The following CELF2 variants were observed in gnomAD, a reference collection of about 807,000 sequenced individuals.
CELF2 encodes CUGBP Elav-like family member 2.
CELF2 carries 8 observed loss-of-function variants against 62.6 expected under a neutral mutation model. The ratio of observed to expected loss-of-function variants is 0.13; its 90% confidence interval spans 0.07 to 0.23. CELF2 has a LOEUF of 0.23. Among genes scored for constraint, CELF2 ranks in the 10% least tolerant of loss-of-function variants. The probability of loss-of-function intolerance (pLI) is 1.00; values close to 1 mark genes in which losing one functional copy is unlikely to be tolerated. For synonymous variants in CELF2, 258 were observed against 250.0 expected, an observed-to-expected ratio of 1.03 and a Z score of -0.30; for missense variants, 333 against 671.0, an observed-to-expected ratio of 0.50 and a Z score of 5.56.
chr10:11,253,437 A>G (rs1328403692), intron 4 of CELF2, among the ~76,000 whole-genome samples: 2 of 152,212 alleles, frequency 1.3e-5, no homozygotes, highest in African/African-American at 4.8e-5. Context: ...AATAGGAATC[A>G]TGGGGTGGCT....
At chr10:10,497,575 T>C in the CELF2 span, among the ~76,000 whole-genome samples, 1 of 149,032 alleles carries the variant, frequency 6.7e-6, no homozygotes, top group African/African-American at 2.5e-5. Flanking sequence ...AGATGAAGGG[T>C]TGGGGATGAG....
In CELF2 at chr10:10,799,347, G is replaced by T. The variant is rs1010315525; in HGVS notation, c.53+530G>T. On this transcript the variant is annotated intron_variant, in intron 1 of 13. Coordinates refer to the CELF2 transcript ENST00000636488. Reference sequence around the variant, plus strand: ...AAAAATACAGAAATTAGCCAGGTGTGGTGGTGGGTGCCTGTAGTCCCTGCT... The same window carrying T: ...AAAAATACAGAAATTAGCCAGGTGTTGTGGTGGGTGCCTGTAGTCCCTGCT... Among the ~76,000 whole-genome samples the T allele has an allele frequency of 2.6e-5, 4 of 152,024 alleles. No individual in the cohort carries two copies. The East Asian group carries it at 7.7e-4, about 29-fold the overall frequency.
In CELF2 at chr10:11,033,145, A is replaced by G. The variant is rs77813824; in HGVS notation, c.74+14982A>G. Among the ~76,000 whole-genome samples the G allele has an allele frequency of 3.0e-4, 45 of 152,342 alleles. 1 individual carries two copies. The East Asian group carries it at 8.3e-3, about 28-fold the overall frequency. On this transcript the variant is annotated intron_variant, in intron 1 of 12. Coordinates refer to ENST00000633077, the MANE Select transcript of CELF2 (RefSeq NM_001326342.2). The stretch of plus-strand genomic sequence containing the variant: ...CTCTACAGTGAAAATTCTGAGGCAT[A>G]GACATTCCTCATCAAATATCACTGT...
At chr10:10,537,734 G>A in the CELF2 span, among the ~76,000 whole-genome samples, 2 of 152,074 alleles carry the variant, frequency 1.3e-5, no homozygotes, top group African/African-American at 4.8e-5. Flanking sequence ...TCTCACATGA[G>A]TCTAGATAAC....
At chr10:10,870,185 A>G (rs1185392789) in intron 1 of CELF2, among the ~76,000 whole-genome samples, 1 of 152,178 alleles carries the variant, frequency 6.6e-6, no homozygotes, top group Non-Finnish European at 1.5e-5. Flanking sequence ...AATTTTTATT[A>G]AAGATTATTT....
chr10:10,768,479 C>A, the CELF2 span, among the ~76,000 whole-genome samples: 2 of 152,072 alleles, frequency 1.3e-5, no homozygotes, highest in South Asian at 4.1e-4. Context: ...GAGCTAAGGT[C>A]AAGAAGATCT....
intron 1 of CELF2, among the ~76,000 whole-genome samples, chr10:11,036,118 C>G (rs531538563): frequency 1.3e-5 from 2 of 152,296 alleles, no homozygotes; most frequent in African/African-American, 4.8e-5. Context: ...TAAGCATCAG[C>G]CAGGATTCAG....
At chr10:10,988,403 G>A (rs1203896070) in intron 2 of CELF2, among the ~76,000 whole-genome samples, 1 of 151,994 alleles carries the variant, frequency 6.6e-6, no homozygotes, top group Non-Finnish European at 1.5e-5. Context: ...TCTAAGTGAA[G>A]TAACTCAGGA....
At chr10:11,060,582 G>A (rs1196516589) in intron 1 of CELF2, among the ~76,000 whole-genome samples, 2 of 152,080 alleles carry the variant, frequency 1.3e-5, no homozygotes, top group African/African-American at 4.8e-5. Flanking sequence ...ATAGAATACA[G>A]GTGCACCTTG....
Position 11,005,821 on chromosome 10 carries a change from G to A in CELF2, c.53+381G>A, listed in dbSNP as rs1342188179. Reference sequence around the variant, plus strand: ...ATGCACTCTGCATGGAATAATCACCGAAAAAGGAGCTGAGGAGACTCCATA... The same window carrying A: ...ATGCACTCTGCATGGAATAATCACCAAAAAAGGAGCTGAGGAGACTCCATA... On this transcript the variant is annotated intron_variant, in intron 1 of 12. Coordinates refer to the CELF2 transcript ENST00000416382. The surrounding 1 kb of genome is among the most constrained non-coding windows in gnomAD (Gnocchi z 4.3). Among the ~76,000 whole-genome samples the A allele has an allele frequency of 2.0e-5, 3 of 152,106 alleles. No individual in the cohort carries two copies. The highest frequency in any genetic ancestry group is 2.9e-5 in the Non-Finnish European group (2 of 68,008).
rs2047840902 is a variant in CELF2 at position 10,947,624 on chromosome 10, C to A, written c.89+27625C>A. 1 of 152,562 alleles carries A rather than the reference C, an allele frequency of 6.6e-6. No homozygotes were observed. Among genetic ancestry groups the A allele is most frequent in the African/African-American group, 2.4e-5 (1 of 41,430 alleles). 9.5% of individuals were successfully genotyped at this position (152,562 alleles called of 1,614,324 possible). A position where few individuals can be genotyped will look rare whatever the true frequency, so the allele number is the denominator to read the frequency against. On this transcript the variant is annotated intron_variant, in intron 2 of 13. Coordinates refer to the CELF2 transcript ENST00000636488. The surrounding 1 kb of genome is among the most constrained non-coding windows in gnomAD (Gnocchi z 4.1). ...GGTGTCCTCAGTGCCTAGAACAATG[C>A]CTGGCTTTCAAGTTTACAGAATAAA...
At position 11,297,216 on chromosome 10, in the gene CELF2, T is replaced by C. The variant is rs2093283639; in HGVS notation, c.976+8664T>C. On this transcript the variant is annotated intron_variant, in intron 9 of 12. Transcript: ENST00000633077. This position sits in a 1 kb window ranked among gnomAD's most constrained non-coding sequence, Gnocchi z 4.4. ...ATATAAAATGATCGGACGTGGCACA[T>C]GGAGAGCTCAAGTGCACATGAACGG... Among the ~76,000 whole-genome samples the C allele has an allele frequency of 6.6e-6, 1 of 152,084 alleles. No individual in the cohort carries two copies. The highest frequency in any genetic ancestry group is 6.5e-5 in the Admixed American group (1 of 15,274).
the CELF2 span, among the ~76,000 whole-genome samples, chr10:10,506,080 A>AT: frequency 1.8e-4 from 27 of 149,932 alleles, no homozygotes; most frequent in Admixed American, 4.0e-4. Context: ...GTATTCTCTC[A>AT]TTTTTTTTTT....
At chr10:10,488,992 T>G in the CELF2 span, among the ~76,000 whole-genome samples, 1 of 152,090 alleles carries the variant, frequency 6.6e-6, no homozygotes, top group Non-Finnish European at 1.5e-5. Flanking sequence ...GTGGCCAGCT[T>G]AATTTCCTCC....
chr10:10,504,748 C>T, the CELF2 span, among the ~76,000 whole-genome samples: 1 of 151,792 alleles, frequency 6.6e-6, no homozygotes, highest in Non-Finnish European at 1.5e-5. Context: ...GTGTATTTCT[C>T]TCTATTCAGA....
At chr10:11,252,939 C>T (rs1276839775) in intron 4 of CELF2, among the ~76,000 whole-genome samples, 1 of 152,056 alleles carries the variant, frequency 6.6e-6, no homozygotes, top group East Asian at 1.9e-4. Context: ...TGGATTTCAT[C>T]CTCCATCATA....
chr10:10,600,489 C>G, the CELF2 span, among the ~76,000 whole-genome samples: 1 of 152,120 alleles, frequency 6.6e-6, no homozygotes, highest in Non-Finnish European at 1.5e-5. Context: ...ATGGAAGTTA[C>G]CTGCATGGTG....
Position 10,993,879 on chromosome 10 carries a change from TC to T in CELF2, c.89+73882del, listed in dbSNP as rs1400410304. On this transcript the variant is annotated intron_variant, in intron 2 of 13. Transcript: ENST00000636488. This position sits in a 1 kb window ranked among gnomAD's most constrained non-coding sequence, Gnocchi z 5.3. ...TGATGTCATAGGTGTGGGGCCCCAATCCAGTAGGACTAGTATCCTTATCAGA... is the reference window on the plus strand; with the variant it reads ...TGATGTCATAGGTGTGGGGCCCCAATCAGTAGGACTAGTATCCTTATCAGA... Among the ~76,000 whole-genome samples the T allele has an allele frequency of 6.6e-6, 1 of 152,078 alleles. No homozygotes were observed. The highest frequency in any genetic ancestry group is 1.5e-5 in the Non-Finnish European group (1 of 68,008).
chr10:11,007,682 C>T (rs1318329237), intron 1 of CELF2, among the ~76,000 whole-genome samples: 2 of 152,016 alleles, frequency 1.3e-5, no homozygotes, highest in East Asian at 1.9e-4. Context: ...TATCTGAGGC[C>T]GGCACACGGT....
Sources: gnomAD v4.1 joint callset for allele counts (sites outside exome capture counted in the v4.1 genomes callset) on GRCh38, gnomAD v4.1.1 for gene constraint, Gnocchi (gnomAD v3.1) non-coding constraint, MANE v1.5 for transcripts, NCBI Gene and HGNC (gene_info 2026-07-23, HGNC 2026-07-21) for gene names.